The following DOCK8 variants were observed in gnomAD, a reference collection of about 807,000 sequenced individuals.
The protein encoded by DOCK8 is dedicator of cytokinesis 8, also known as dedicator of cytokinesis protein 8.
In DOCK8, 141 loss-of-function variants were observed where a neutral mutation model predicts 245.6. The observed-to-expected ratio is 0.57, with a 90% CI of 0.50 to 0.66. The LOEUF (loss-of-function observed/expected upper bound fraction) is 0.66. DOCK8 is among the 30% of genes least tolerant of loss of function. The pLI, the probability that DOCK8 is intolerant of heterozygous loss-of-function variation, is 0.00. For synonymous variants in DOCK8, 1,168 were observed against 970.2 expected, an observed-to-expected ratio of 1.20 and a Z score of -3.79; for missense variants, 2,965 against 2,603.4, an observed-to-expected ratio of 1.14 and a Z score of -3.02.
chr9:368,301 G>GAACGGTGTAA, intron 15 of DOCK8, 166 bp downstream of exon 15: 1 of 765,324 alleles, frequency 1.3e-6, no homozygotes. Context: ...GGGAAACAGG[G>GAACGGTGTAA]TCAGTCTTAC....
At chr9:325,512 T>G (rs1474108118) in intron 7 of DOCK8, among the ~76,000 whole-genome samples, 159 bp from the exon 8 acceptor site, 1 of 152,238 alleles carries the variant, frequency 6.6e-6, no homozygotes, top group African/African-American at 2.4e-5. Context: ...CCTATATTTC[T>G]CTATTAATAT....
At chr9:274,419 T>C (rs2048263530) in intron 2 of DOCK8, among the ~76,000 whole-genome samples, 1 of 152,140 alleles carries the variant, frequency 6.6e-6, no homozygotes, top group Admixed American at 6.5e-5. Flanking sequence ...CTCTTGTTCC[T>C]TCTACCTGGA....
At chr9:229,001 G>A (rs2047047448) in intron 1 of DOCK8, among the ~76,000 whole-genome samples, 1 of 152,172 alleles carries the variant, frequency 6.6e-6, no homozygotes, top group Non-Finnish European at 1.5e-5. Flanking sequence ...CTGGTAAAGG[G>A]AACATTCTAA....
chr9:226,045 G>A (rs1166022803), intron 1 of DOCK8, among the ~76,000 whole-genome samples: 1 of 152,190 alleles, frequency 6.6e-6, no homozygotes, highest in Non-Finnish European at 1.5e-5. Context: ...AAGTGCAATG[G>A]TGTATTAGTC....
intron 8 of DOCK8, among the ~76,000 whole-genome samples, chr9:326,021 T>C (rs1024386464): frequency 1.3e-5 from 2 of 152,206 alleles, no homozygotes; most frequent in African/African-American, 4.8e-5. Flanking sequence ...AACAAACCCA[T>C]TTAAATACAT....
intron 25 of DOCK8, among the ~76,000 whole-genome samples, chr9:397,487 G>A (rs375104914): frequency 1.1e-4 from 16 of 152,030 alleles, no homozygotes; most frequent in East Asian, 3.9e-4. Context: ...TCAGGCATTC[G>A]AGACCAGCCT....
intron 5 of DOCK8, 31 bp downstream of exon 5, chr9:304,735 G>A (rs1219043249): frequency 1.2e-6 from 2 of 1,613,978 alleles, no homozygotes; most frequent in South Asian, 1.1e-5. Context: ...TGGTTACCAG[G>A]TTACTGGGCT....
At chr9:324,864 T>A (rs2050687921) in intron 7 of DOCK8, among the ~76,000 whole-genome samples, 1 of 152,224 alleles carries the variant, frequency 6.6e-6, no homozygotes, top group South Asian at 2.1e-4. Flanking sequence ...TAAGTGGTTT[T>A]TGGTTACATG....
At chr9:215,399 A>ACGGCT (rs1368759605) in intron 1 of DOCK8, 1 of 1,557,042 alleles carries the variant, frequency 6.4e-7, no homozygotes, top group Non-Finnish European at 8.7e-7. Flanking sequence ...TGTCTCATAA[A>ACGGCT]CGGCTCCTTC....
chr9:358,809 A>T (rs1398153716), intron 14 of DOCK8, among the ~76,000 whole-genome samples: 1 of 152,236 alleles, frequency 6.6e-6, no homozygotes, highest in Non-Finnish European at 1.5e-5. Context: ...AGATCACGCC[A>T]TTGCACTCCA....
intron 1 of DOCK8, among the ~76,000 whole-genome samples, chr9:226,722 C>G (rs2046997209): frequency 6.6e-6 from 1 of 152,026 alleles, no homozygotes; most frequent in South Asian, 2.1e-4. Context: ...TAGGGTGAAT[C>G]AAGGGTTTAA....
chr9:403,901 T>TAG (rs1351719439), intron 26 of DOCK8, among the ~76,000 whole-genome samples: 1 of 77,916 alleles, frequency 1.3e-5, no homozygotes, highest in African/African-American at 7.9e-5. Context: ...TCTATATATA[T>TAG]ATATATATAT....
chr9:274,490 C>CTT lies in DOCK8; in HGVS notation c.156+2773_156+2774dup, dbSNP rs35765480. ...CTTTTTTTTTTCTTTTCTTTCTTTTCTTTTTTTTTTTTTAGATGAATAGTC... is the reference window on the plus strand; with the variant it reads ...CTTTTTTTTTTCTTTTCTTTCTTTTCTTTTTTTTTTTTTTTAGATGAATAGTC... On this transcript the variant is annotated intron_variant, in intron 2 of 47. Coordinates refer to ENST00000432829, the MANE Select transcript of DOCK8 (RefSeq NM_203447.4). Among the ~76,000 whole-genome samples the CTT allele has an allele frequency of 2.8e-3, 372 of 135,266 alleles. 4 individuals carry two copies. Among genetic ancestry groups the CTT allele is most frequent in the Admixed American group, 6.0e-3 (79 of 13,178 alleles). 88.7% of individuals were successfully genotyped at this position (135,266 alleles called of 152,430 possible).
At chr9:240,464 A>G (rs1169555989) in intron 1 of DOCK8, among the ~76,000 whole-genome samples, 1 of 151,996 alleles carries the variant, frequency 6.6e-6, no homozygotes, top group East Asian at 1.9e-4. Flanking sequence ...ATTTCCAGCT[A>G]TACCCAACAG....
intron 28 of DOCK8, among the ~76,000 whole-genome samples, chr9:407,509 T>C (rs2055490195): frequency 1.3e-5 from 2 of 152,222 alleles, no homozygotes; most frequent in Admixed American, 6.5e-5. Flanking sequence ...ATTAGGTTTC[T>C]TGCAGACAGT....
At chr9:340,979 C>A (rs969555508) in intron 14 of DOCK8, among the ~76,000 whole-genome samples, 1 of 152,122 alleles carries the variant, frequency 6.6e-6, no homozygotes, top group African/African-American at 2.4e-5. Flanking sequence ...TGCTAGTTGT[C>A]AAAAGGACAG....
intron 14 of DOCK8, among the ~76,000 whole-genome samples, chr9:363,210 T>G (rs28688123): frequency 0.031 from 4,760 of 152,292 alleles, 144 homozygotes; most frequent in African/African-American, 0.083. Flanking sequence ...TTGTCCACAT[T>G]TGGGGAAAGA....
At chr9:400,156 A>ACCT (rs2054765121) in intron 26 of DOCK8, among the ~76,000 whole-genome samples, 1 of 61,862 alleles carries the variant, frequency 1.6e-5, no homozygotes, top group Non-Finnish European at 3.0e-5. Flanking sequence ...CACCATCACC[A>ACCT]CCACCACCAC....
chr9:426,968 A>T lies in DOCK8; in HGVS notation c.4325A>T (p.Glu1442Val). The change falls in exon 34 of 48, where the codon GAA becomes GTA. Residue 1442 changes from glutamate (E) to valine (V), a missense_variant. Transcript: ENST00000432829. ...CATTTAATCATCCTGGATATGCAGGAAAACATTATCCAGGTGAGGAAAACA... is the reference window on the plus strand; with the variant it reads ...CATTTAATCATCCTGGATATGCAGGTAAACATTATCCAGGTGAGGAAAACA... ...EAHLIILDMQENIIQASSALD... is the reference protein window; with the variant it reads ...EAHLIILDMQVNIIQASSALD... 6.2e-7 allele frequency: 1 copy of T among 1,613,854 alleles called. No homozygotes were observed. The highest frequency in any genetic ancestry group is 8.5e-7 in the Non-Finnish European group (1 of 1,179,822).
Sources: allele counts gnomAD v4.1 joint callset (sites outside exome capture counted in the v4.1 genomes callset), GRCh38; gene constraint gnomAD v4.1.1; transcripts MANE v1.5; gene names NCBI Gene and HGNC (gene_info 2026-07-23, HGNC 2026-07-21).